The following CNTN4 variants were observed in gnomAD, a reference collection of about 807,000 sequenced individuals.
The protein encoded by CNTN4 is contactin-4.
A neutral mutation model predicts 122.5 loss-of-function variants in CNTN4; 77 were observed. That is an observed-to-expected ratio of 0.63 (90% CI 0.52 to 0.76). The LOEUF is 0.76. Ranked by LOEUF, CNTN4 falls within the 30% of genes least tolerant of loss-of-function variation. The probability of loss-of-function intolerance (pLI) is 0.00; values close to 1 mark genes in which losing one functional copy is unlikely to be tolerated. For missense variants in CNTN4, 1,256 were observed against 1,259.1 expected (o/e 1.00, Z 0.04); for synonymous variants, 512 against 447.0 (o/e 1.15, Z -1.83).
chr3:3,043,018 A>G lies in CNTN4; in HGVS notation c.2553A>G (p.Arg851=). ...ATGAAGACAAAGAAGAAAATGCTAG[A>G]AAAATACGAACAGTTGGAAATCAGA... The part of the protein sequence containing the change: ...WRHEDKEENA[R]KIRTVGNQTS... Residue 851 remains arginine, a synonymous_variant, in exon 22 of 25, where the codon AGA becomes AGG. Coordinates refer to ENST00000418658, the MANE Select transcript of CNTN4 (RefSeq NM_175607.3). 1 of 1,614,164 alleles carries G rather than the reference A, an allele frequency of 6.2e-7. No individual in the cohort carries two copies. Among genetic ancestry groups the G allele is most frequent in the South Asian group, 1.1e-5 (1 of 91,078 alleles).
At chr3:2,960,607 G>A (rs1249821918) in intron 13 of CNTN4, among the ~76,000 whole-genome samples, 1 of 152,160 alleles carries the variant, frequency 6.6e-6, no homozygotes, top group Non-Finnish European at 1.5e-5. Flanking sequence ...TGAGCCAAAA[G>A]AGAAATCGGC....
intron 3 of CNTN4, among the ~76,000 whole-genome samples, chr3:2,481,072 TCTTTCTCTCTTTCTC>T (rs2075988193): frequency 6.9e-6 from 1 of 145,412 alleles, no homozygotes; most frequent in African/African-American, 2.6e-5. Flanking sequence ...TCTCTTTCTC[TCTTTCTCTCTTTCTC>T]TCTTTCTTTC....
chr3:2,279,119 A>C (rs2041624000), intron 2 of CNTN4, among the ~76,000 whole-genome samples: 1 of 149,968 alleles, frequency 6.7e-6, no homozygotes, highest in East Asian at 1.9e-4. Context: ...AACAAACTGA[A>C]ACAAACAAAA....
rs551365684 is a variant in CNTN4, at chr3:2,811,492, G to A, written c.359-7994G>A. On this transcript the variant is annotated intron_variant, in intron 6 of 24. Coordinates refer to ENST00000418658, the MANE Select transcript of CNTN4 (RefSeq NM_175607.3). ...ATTTATTTATTTGAGGCAGAGTCTC[G>A]CTCTGTCGCCCAGGCTAGAGTGCAG... Among the ~76,000 whole-genome samples the A allele has an allele frequency of 8.2e-4, 122 of 148,796 alleles. 1 individual carries two copies. The highest frequency in any genetic ancestry group is 2.8e-3 in the Admixed American group (42 of 14,940).
Position 3,057,695 on chromosome 3 carries a change from T to G in CNTN4, c.*1475T>G, listed in dbSNP as rs1701898786. ...CAATAAAGTCATAATCGGGATTCCATTTGTGTAAAAACTAGGGTGGTAACC... is the reference window on the plus strand; with the variant it reads ...CAATAAAGTCATAATCGGGATTCCAGTTGTGTAAAAACTAGGGTGGTAACC... On this transcript the variant is annotated 3_prime_UTR_variant, in exon 25 of 25. Coordinates refer to ENST00000418658, the MANE Select transcript of CNTN4 (RefSeq NM_175607.3). The G allele has an allele frequency of 6.6e-6, 1 of 152,646 alleles. No individual in the cohort carries two copies. The highest frequency in any genetic ancestry group is 1.5e-5 in the Non-Finnish European group (1 of 68,038). The allele number at this position is 152,646 out of a possible 1,614,324, so 9.5% of individuals were successfully genotyped here. A position where few individuals can be genotyped will look rare whatever the true frequency, so the allele number is the denominator to read the frequency against.
chr3:2,502,744 A>T (rs1371890784), intron 3 of CNTN4, among the ~76,000 whole-genome samples: 1 of 152,178 alleles, frequency 6.6e-6, no homozygotes, highest in Non-Finnish European at 1.5e-5. Flanking sequence ...AGGGCTTTCC[A>T]TATGAGTGAA....
Position 2,239,634 on chromosome 3 carries a change from C to T in CNTN4, c.-144-99544C>T, listed in dbSNP as rs567371057. Among the ~76,000 whole-genome samples, 15 of 152,120 alleles carry T rather than the reference C, an allele frequency of 9.9e-5. No individual in the cohort carries two copies. The South Asian group carries it at 3.1e-3, about 32-fold the overall frequency. On this transcript the variant is annotated intron_variant, in intron 2 of 24. Coordinates refer to ENST00000418658, the MANE Select transcript of CNTN4 (RefSeq NM_175607.3). The stretch of plus-strand genomic sequence containing the variant: ...CTTAGGTTCCTTTTATTTCGTAATT[C>T]AAAAAGTTGAAGTTAGAGGTTAATA...
chr3:2,774,850 G>C (rs1442791609), intron 6 of CNTN4, among the ~76,000 whole-genome samples: 2 of 152,176 alleles, frequency 1.3e-5, no homozygotes, highest in East Asian at 1.9e-4. Flanking sequence ...ACAACATAAA[G>C]CAGATGCACA....
At chr3:2,384,955 G>A (rs930090921) in intron 3 of CNTN4, among the ~76,000 whole-genome samples, 6 of 151,978 alleles carry the variant, frequency 3.9e-5, no homozygotes, top group Admixed American at 6.6e-5. Context: ...TACAGTGGTT[G>A]ACGTTCAAAC....
At chr3:2,415,834 G>A (rs2047392131) in intron 3 of CNTN4, among the ~76,000 whole-genome samples, 1 of 151,810 alleles carries the variant, frequency 6.6e-6, no homozygotes, top group Non-Finnish European at 1.5e-5. Context: ...TGGGATTTGG[G>A]GTGGCGCTGG....
At chr3:2,528,739 T>TA (rs997169462) in intron 3 of CNTN4, among the ~76,000 whole-genome samples, 15 of 152,218 alleles carry the variant, frequency 9.9e-5, no homozygotes, top group African/African-American at 3.4e-4. Flanking sequence ...TATTAGCCTT[T>TA]AAAAAACTCT....
intron 6 of CNTN4, among the ~76,000 whole-genome samples, chr3:2,797,563 A>C (rs916906338): frequency 3.3e-5 from 5 of 152,132 alleles, no homozygotes; most frequent in African/African-American, 1.2e-4. Context: ...GCGCCACTGC[A>C]CTCCAGCCTG....
intron 4 of CNTN4, among the ~76,000 whole-genome samples, chr3:2,674,876 T>C (rs1211151090): frequency 6.6e-6 from 1 of 152,172 alleles, no homozygotes; most frequent in African/African-American, 2.4e-5. Context: ...CCTCTCCCTA[T>C]CCCCACCTGC....
At chr3:2,635,017 C>G (rs1267634918) in intron 4 of CNTN4, among the ~76,000 whole-genome samples, 20 of 152,056 alleles carry the variant, frequency 1.3e-4, no homozygotes, top group African/African-American at 4.3e-4. Context: ...CATGTAGTAA[C>G]TAAATATAGA....
At chr3:2,481,055 T>TTCTTTCTTTCTTTCTTTCTC (rs1213100693) in intron 3 of CNTN4, among the ~76,000 whole-genome samples, 1,971 of 134,700 alleles carry the variant, frequency 0.015, 14 homozygotes, top group Non-Finnish European at 0.018. Context: ...CTTTCTTTCT[T>TTCTTTCTTTCTTTCTTTCTC]TCTTTCTCTC....
chr3:2,649,419 T>C (rs1039459304), intron 4 of CNTN4, among the ~76,000 whole-genome samples: 18 of 152,170 alleles, frequency 1.2e-4, no homozygotes, highest in African/African-American at 4.3e-4. Context: ...CTGAAAGTCT[T>C]AGGACCCTTA....
chr3:2,341,023 A>G (rs527722358), intron 3 of CNTN4, among the ~76,000 whole-genome samples: 1 of 152,146 alleles, frequency 6.6e-6, no homozygotes, highest in Admixed American at 6.5e-5. Context: ...AGCAGGAACC[A>G]TCTTTCTTAA....
At chr3:2,155,749 A>C (rs1195473108) in intron 2 of CNTN4, among the ~76,000 whole-genome samples, 1 of 151,998 alleles carries the variant, frequency 6.6e-6, no homozygotes, top group African/African-American at 2.4e-5. Flanking sequence ...GCTTCCTCCA[A>C]CACAGCTAGC....
intron 3 of CNTN4, among the ~76,000 whole-genome samples, chr3:2,440,582 CAT>C (rs1328254515): frequency 3.9e-5 from 6 of 152,022 alleles, no homozygotes; most frequent in South Asian, 2.1e-4. Flanking sequence ...AGAATAGAGA[CAT>C]GTGTTTGTCT....
Sources: allele counts gnomAD v4.1 joint callset (sites outside exome capture counted in the v4.1 genomes callset), GRCh38; gene constraint gnomAD v4.1.1; transcripts MANE v1.5; gene names NCBI Gene and HGNC (gene_info 2026-07-23, HGNC 2026-07-21).